Variants in STXBP6 observed in about 807,000 individuals in gnomAD.
STXBP6 encodes the protein syntaxin binding protein 6.
STXBP6 carries 21 observed loss-of-function variants against 26.9 expected under a neutral mutation model. The observed-to-expected ratio is 0.78, with a 90% CI of 0.55 to 1.12. STXBP6 has a LOEUF of 1.12. STXBP6 is among the 50% of genes most tolerant of loss of function. The pLI is 0.00. For missense variants in STXBP6, 232 were observed against 257.9 expected (o/e 0.90, Z 0.69); for synonymous variants, 97 against 92.6 (o/e 1.05, Z -0.27).
chr14:24,825,841 C>T (rs924486800), intron 4 of STXBP6, among the ~76,000 whole-genome samples: 1 of 152,174 alleles, frequency 6.6e-6, no homozygotes, highest in African/African-American at 2.4e-5. Context: ...CATAAACACT[C>T]ATGGATATCT....
chr14:24,901,996 C>T (rs1013315915), intron 2 of STXBP6, among the ~76,000 whole-genome samples: 13 of 152,024 alleles, frequency 8.6e-5, no homozygotes, highest in Non-Finnish European at 1.0e-4. Flanking sequence ...CATTTTACTG[C>T]ATGTACATCA....
At chr14:25,002,708 T>C (rs1376597656) in intron 1 of STXBP6, among the ~76,000 whole-genome samples, 1 of 151,802 alleles carries the variant, frequency 6.6e-6, no homozygotes, top group African/African-American at 2.4e-5. Flanking sequence ...TTTCCCCATC[T>C]TTGCAAATTT....
At chr14:24,862,414 T>C (rs930933365) in intron 2 of STXBP6, among the ~76,000 whole-genome samples, 3 of 152,114 alleles carry the variant, frequency 2.0e-5, no homozygotes, top group Non-Finnish European at 4.4e-5. Context: ...GGGAAAAATG[T>C]AGGATGCCCT....
At chr14:24,842,965 G>A (rs1441910740) in intron 4 of STXBP6, among the ~76,000 whole-genome samples, 1 of 152,040 alleles carries the variant, frequency 6.6e-6, no homozygotes, top group Non-Finnish European at 1.5e-5. Flanking sequence ...CCAAAAGAGG[G>A]GAGTCACAAT....
intron 2 of STXBP6, among the ~76,000 whole-genome samples, chr14:24,902,149 C>T (rs908920132): frequency 6.6e-6 from 1 of 151,922 alleles, no homozygotes; most frequent in African/African-American, 2.4e-5. Context: ...CTACTTTTTG[C>T]TAATGAAAGG....
At chr14:24,950,250 A>G (rs1389548171) in intron 2 of STXBP6, among the ~76,000 whole-genome samples, 1 of 69,310 alleles carries the variant, frequency 1.4e-5, no homozygotes, top group Admixed American at 1.0e-4. Flanking sequence ...GTAAATTGGT[A>G]CCACCTTTGG....
intron 1 of STXBP6, among the ~76,000 whole-genome samples, chr14:25,022,298 T>TAGA (rs953773865): frequency 1.3e-5 from 2 of 152,172 alleles, no homozygotes; most frequent in African/African-American, 4.8e-5. Flanking sequence ...AGGCAGTTCC[T>TAGA]AGACCTCCAG....
chr14:25,027,966 C>G (rs144640066), intron 1 of STXBP6, among the ~76,000 whole-genome samples: 2 of 152,146 alleles, frequency 1.3e-5, no homozygotes, highest in Admixed American at 1.3e-4. Context: ...TTCAATTCTA[C>G]GAAGGCTGAA....
chr14:24,927,688 G>A (rs1464430248), intron 2 of STXBP6, among the ~76,000 whole-genome samples: 2 of 152,100 alleles, frequency 1.3e-5, no homozygotes, highest in East Asian at 3.8e-4. Context: ...TTTGTCCAAG[G>A]GATGGATTAC....
intron 1 of STXBP6, among the ~76,000 whole-genome samples, chr14:24,990,134 G>A (rs1458432638): frequency 1.4e-4 from 22 of 152,150 alleles, no homozygotes; most frequent in Admixed American, 1.4e-3. Flanking sequence ...ATTGGAAGAG[G>A]AGATCTTTAG....
At chr14:24,900,623 C>T (rs952411298) in intron 2 of STXBP6, among the ~76,000 whole-genome samples, 1 of 152,150 alleles carries the variant, frequency 6.6e-6, no homozygotes, top group Non-Finnish European at 1.5e-5. Context: ...CAAAATTATT[C>T]CCCCGAGCTA....
At chr14:24,947,749 C>A (rs1039347951) in intron 2 of STXBP6, among the ~76,000 whole-genome samples, 1 of 152,088 alleles carries the variant, frequency 6.6e-6, no homozygotes, top group African/African-American at 2.4e-5. Flanking sequence ...AAAAAAAGCC[C>A]AAATCCACAC....
intron 2 of STXBP6, among the ~76,000 whole-genome samples, chr14:24,901,200 A>T (rs1250426106): frequency 6.6e-6 from 1 of 152,156 alleles, no homozygotes; most frequent in African/African-American, 2.4e-5. Flanking sequence ...GACTAGTAGA[A>T]GTTATATTAT....
At chr14:25,000,306 G>A (rs1030549916) in intron 1 of STXBP6, among the ~76,000 whole-genome samples, 14 of 150,864 alleles carry the variant, frequency 9.3e-5, no homozygotes, top group Admixed American at 8.6e-4. Flanking sequence ...CTCGTGATAC[G>A]CCCGCCTCGG....
At chr14:24,918,501 C>CACACACAG (rs1491399035) in intron 2 of STXBP6, among the ~76,000 whole-genome samples, 1 of 146,374 alleles carries the variant, frequency 6.8e-6, no homozygotes, top group Admixed American at 6.8e-5. Flanking sequence ...CACACACACA[C>CACACACAG]AGCAGGCATG....
intron 4 of STXBP6, among the ~76,000 whole-genome samples, chr14:24,820,701 T>C (rs967673480): frequency 1.3e-5 from 2 of 152,238 alleles, no homozygotes; most frequent in African/African-American, 4.8e-5. Context: ...TGAATAGCAC[T>C]TTGCAATCAT....
intron 1 of STXBP6, among the ~76,000 whole-genome samples, chr14:25,040,324 C>T (rs1217813772): frequency 6.6e-6 from 1 of 152,144 alleles, no homozygotes; most frequent in African/African-American, 2.4e-5. Flanking sequence ...GGTAGAAAGG[C>T]ATGTCTGCTC....
intron 4 of STXBP6, among the ~76,000 whole-genome samples, chr14:24,846,254 A>G (rs1354069742): frequency 6.6e-6 from 1 of 152,190 alleles, no homozygotes; most frequent in East Asian, 1.9e-4. Context: ...AAATTCTAGT[A>G]TTTCCTACTA....
At chr14:24,813,216 C>T (rs1451251682) in intron 5 of STXBP6, among the ~76,000 whole-genome samples, 1 of 152,158 alleles carries the variant, frequency 6.6e-6, no homozygotes, top group Admixed American at 6.5e-5. Flanking sequence ...CCACCAAGTC[C>T]ACAGCCCTTC....
Sources: gnomAD v4.1 joint callset for allele counts (sites outside exome capture counted in the v4.1 genomes callset) on GRCh38, gnomAD v4.1.1 for gene constraint, MANE v1.5 for transcripts, NCBI Gene and HGNC (gene_info 2026-07-23, HGNC 2026-07-21) for gene names.